SLC5A4: variants seen among roughly 807,000 people sequenced by gnomAD.
The protein encoded by SLC5A4 is solute carrier family 5 member 4.
A neutral mutation model predicts 70.3 loss-of-function variants in SLC5A4; 55 were observed. That is an observed-to-expected ratio of 0.78 (90% CI 0.63 to 0.98). The LOEUF is 0.98. SLC5A4 is among the 50% of genes least tolerant of loss of function. The probability of loss-of-function intolerance (pLI) is 0.00; values close to 1 mark genes in which losing one functional copy is unlikely to be tolerated. For synonymous variants in SLC5A4, 268 were observed against 305.7 expected, an observed-to-expected ratio of 0.88 and a Z score of 1.29; for missense variants, 735 against 839.2, an observed-to-expected ratio of 0.88 and a Z score of 1.53.
At chr22:32,332,526 T>G in the SLC5A4 span, among the ~76,000 whole-genome samples, 1 of 152,216 alleles carries the variant, frequency 6.6e-6, no homozygotes, top group Admixed American at 6.5e-5. Flanking sequence ...GATGCCCAGC[T>G]GAGGGCCTGT....
At chr22:32,332,501 C>A in the SLC5A4 span, among the ~76,000 whole-genome samples, 1 of 152,224 alleles carries the variant, frequency 6.6e-6, no homozygotes, top group Non-Finnish European at 1.5e-5. Context: ...CAGGGCCAGG[C>A]CATGGAAAGC....
At chr22:32,228,219 AC>A (rs1254283771) in intron 11 of SLC5A4, among the ~76,000 whole-genome samples, 1 of 152,080 alleles carries the variant, frequency 6.6e-6, no homozygotes, top group African/African-American at 2.4e-5. Context: ...TGTGTGCTGT[AC>A]TTTGATTTTT....
At chr22:32,337,271 G>A in the SLC5A4 span, among the ~76,000 whole-genome samples, 1 of 152,314 alleles carries the variant, frequency 6.6e-6, no homozygotes, top group Admixed American at 6.5e-5. Flanking sequence ...GAAACACATT[G>A]GCTGTAATCC....
chr22:32,237,422 G>T (rs553327323), intron 6 of SLC5A4, 98 bp from the exon 7 acceptor site: 1 of 772,044 alleles, frequency 1.3e-6, no homozygotes, highest in Non-Finnish European at 2.1e-6. Context: ...CCCTGGAAAT[G>T]ACCCAGTAGA....
chr22:32,352,587 C>G, the SLC5A4 span, among the ~76,000 whole-genome samples: 1 of 152,148 alleles, frequency 6.6e-6, no homozygotes, highest in East Asian at 1.9e-4. Flanking sequence ...CCTCCTTCCC[C>G]TGGCTGCACC....
the SLC5A4 span, among the ~76,000 whole-genome samples, chr22:32,341,341 G>A: frequency 0.13 from 19,754 of 152,174 alleles, 1,741 homozygotes; most frequent in Non-Finnish European, 0.19. Flanking sequence ...CAAGAAGGGC[G>A]GCCGTGAGGG....
rs1429220533 is a variant in SLC5A4 at position 32,234,967 on chromosome 22, T to A, written c.791A>T (p.His264Leu). The change falls in exon 8 of 15, where the codon CAC becomes CTC. Residue 264 changes from histidine (H) to leucine (L), a missense_variant. His to Leu is a moderately conservative substitution (Grantham distance 99). Transcript: ENST00000266086. ...CCCAGTCACAGCATCTCGGAAGATG[T>A]GGAAGGAGTCCGCCCGAGGTGTGTA... ...SCYTPRADSF[H>L]IFRDAVTGDI... 4.3e-6 allele frequency: 7 copies of A among 1,613,944 alleles called. No individual in the cohort carries two copies. The East Asian group carries it at 1.6e-4, about 36-fold the overall frequency.
At chr22:32,352,693 T>TTGC in the SLC5A4 span, among the ~76,000 whole-genome samples, 2 of 152,110 alleles carry the variant, frequency 1.3e-5, no homozygotes, top group Non-Finnish European at 2.9e-5. Context: ...GCCCCCAAAC[T>TTGC]TGCTGCTGCT....
At chr22:32,305,702 G>T in the SLC5A4 span, among the ~76,000 whole-genome samples, 2 of 130,042 alleles carry the variant, frequency 1.5e-5, 1 homozygote, top group South Asian at 5.0e-4. Context: ...AGGGACGGTG[G>T]CTTTTCAGGA....
At chr22:32,257,518 GC>G (rs1306333967), upstream of SLC5A4, among the ~76,000 whole-genome samples, 1 of 151,926 alleles carries the variant, frequency 6.6e-6, no homozygotes, top group Non-Finnish European at 1.5e-5. Context: ...CCCATGCCTG[GC>G]TAACTTCATT....
the SLC5A4 span, among the ~76,000 whole-genome samples, chr22:32,318,275 C>A: frequency 6.6e-6 from 1 of 151,976 alleles, no homozygotes; most frequent in Non-Finnish European, 1.5e-5. Context: ...CTCTGTCACC[C>A]AGGCTGGAGA....
intron 13 of SLC5A4, among the ~76,000 whole-genome samples, chr22:32,223,933 T>G (rs978317132): frequency 6.6e-6 from 1 of 152,164 alleles, no homozygotes; most frequent in African/African-American, 2.4e-5. Context: ...AACTCTTTTT[T>G]TTTTTGAGAC....
chr22:32,323,582 C>T, the SLC5A4 span, among the ~76,000 whole-genome samples: 657 of 152,246 alleles, frequency 4.3e-3, 3 homozygotes, highest in Non-Finnish European at 6.7e-3. Context: ...CAGGCACGGA[C>T]GGTGCCATTA....
the SLC5A4 span, among the ~76,000 whole-genome samples, chr22:32,347,253 G>T: frequency 6.6e-6 from 1 of 152,166 alleles, no homozygotes; most frequent in Non-Finnish European, 1.5e-5. Flanking sequence ...TCACACTGTT[G>T]GTGGGACTGT....
chr22:32,348,240 T>C, the SLC5A4 span, among the ~76,000 whole-genome samples: 1 of 152,206 alleles, frequency 6.6e-6, no homozygotes, highest in Non-Finnish European at 1.5e-5. Context: ...AAACACAGAT[T>C]GCTGAAGGAA....
At chr22:32,330,933 GTA>G in the SLC5A4 span, among the ~76,000 whole-genome samples, 1,071 of 28,080 alleles carry the variant, frequency 0.038, 46 homozygotes, top group Non-Finnish European at 0.055. Context: ...CCTCTGGTGT[GTA>G]TGTGTTGGAG....
At chr22:32,250,719 T>C (rs1927088757) in intron 3 of SLC5A4, among the ~76,000 whole-genome samples, 2 of 152,098 alleles carry the variant, frequency 1.3e-5, no homozygotes. Flanking sequence ...TGCTCAACAA[T>C]GATAGACTGG....
intron 2 of SLC5A4, among the ~76,000 whole-genome samples, chr22:32,252,157 G>C (rs566695930): frequency 3.9e-5 from 6 of 152,052 alleles, no homozygotes; most frequent in African/African-American, 9.6e-5. Context: ...ATGAACCCAG[G>C]GGGTGGAGCC....
chr22:32,224,806 T>C (rs530704169), intron 12 of SLC5A4, among the ~76,000 whole-genome samples: 1 of 152,312 alleles, frequency 6.6e-6, no homozygotes, highest in East Asian at 1.9e-4. Flanking sequence ...ATTTATTTGA[T>C]AAAATAAGCA....
Sources: gnomAD v4.1 joint callset for allele counts (sites outside exome capture counted in the v4.1 genomes callset) on GRCh38, gnomAD v4.1.1 for gene constraint, MANE v1.5 for transcripts, NCBI Gene and HGNC (gene_info 2026-07-23, HGNC 2026-07-21) for gene names.